The following COX20 variants were observed in gnomAD, a reference collection of about 807,000 sequenced individuals.
COX20 encodes the protein cytochrome c oxidase assembly protein COX20, mitochondrial.
Under a neutral mutation model 14.3 loss-of-function variants are expected in COX20, and 14 were observed. The observed-to-expected ratio is 0.98, with a 90% confidence interval of 0.65 to 1.53. The LOEUF (loss-of-function observed/expected upper bound fraction) is 1.53, where lower values mean the gene tolerates loss of function less well. Ranked by LOEUF, COX20 falls within the 40% of genes most tolerant of loss-of-function variation. The probability of loss-of-function intolerance (pLI) is 0.00; values close to 1 mark genes in which losing one functional copy is unlikely to be tolerated. For synonymous variants in COX20, 56 were observed against 51.7 expected, an observed-to-expected ratio of 1.08 and a Z score of -0.36; for missense variants, 149 against 142.1, an observed-to-expected ratio of 1.05 and a Z score of -0.25.
At chr1:244,841,576 A>C (rs1457217926) in intron 1 of COX20, 1 of 166,028 alleles carries the variant, frequency 6.0e-6, no homozygotes, top group East Asian at 1.7e-4. Flanking sequence ...TATTGGAGTT[A>C]CTGAAGCAAG....
chr1:244,842,826 T>G (rs976924054), intron 3 of COX20: 2 of 388,896 alleles, frequency 5.1e-6, no homozygotes, highest in African/African-American at 2.1e-5. Flanking sequence ...CAAATTGTTA[T>G]GTAGACATCC....
chr1:244,836,523 A>T (rs1283894907), intron 1 of COX20: 1 of 1,549,818 alleles, frequency 6.5e-7, no homozygotes, highest in African/African-American at 1.4e-5. Flanking sequence ...ATTGGAAGGT[A>T]ATAAATGATC....
Position 244,843,880 on chromosome 1 carries a change from C to T in COX20, c.*704C>T, listed in dbSNP as rs1244703020. On this transcript the variant is annotated 3_prime_UTR_variant, in exon 4 of 4. Transcript: ENST00000411948. ...CCATTTGAAAGTCAATCAGCTGCTC[C>T]CATTAAAATATTATTTAAAATACAA... The T allele has an allele frequency of 6.6e-6, 1 of 152,126 alleles. No individual in the cohort carries two copies. The highest frequency in any genetic ancestry group is 2.4e-5 in the African/African-American group (1 of 41,422). The allele number at this position is 152,126 out of a possible 1,614,324, so 9.4% of individuals were successfully genotyped here.
At chr1:244,837,689 C>G (rs1455591534) in intron 1 of COX20, among the ~76,000 whole-genome samples, 1 of 152,194 alleles carries the variant, frequency 6.6e-6, no homozygotes, top group African/African-American at 2.4e-5. Context: ...CTTTAAGGAG[C>G]TGACATTCTA....
intron 3 of COX20, 114 bp downstream of exon 3, chr1:244,842,372 G>A (rs2102975841): frequency 1.3e-6 from 1 of 755,706 alleles, no homozygotes; most frequent in East Asian, 2.5e-5. Flanking sequence ...CCTCAATGAA[G>A]AATCTTGATT....
Position 244,835,675 on chromosome 1 carries a change from C to G in COX20, c.-40C>G, listed in dbSNP as rs1301527933. On this transcript the variant is annotated 5_prime_UTR_variant, in exon 1 of 4. Coordinates refer to ENST00000411948, the MANE Select transcript of COX20 (RefSeq NM_198076.6). ...CCAGCCGGGCTTCTGCTTCCGCGAC[C>G]CCGGCGGTGCAGGGCGGGTGGAGTC... 2.4e-6 allele frequency: 3 copies of G among 1,236,780 alleles called. No individual in the cohort carries two copies. Among genetic ancestry groups the G allele is most frequent in the Non-Finnish European group, 3.0e-6 (3 of 989,460 alleles). The allele number at this position is 1,236,780 out of a possible 1,614,324, so 76.6% of individuals were successfully genotyped here.
rs1680320428 is a variant in COX20, at chr1:244,843,961, T to C, written c.*785T>C. The C allele has an allele frequency of 6.6e-6, 1 of 152,366 alleles. No individual in the cohort carries two copies. Among genetic ancestry groups the C allele is most frequent in the East Asian group, 1.9e-4 (1 of 5,194 alleles). 9.4% of individuals were successfully genotyped at this position (152,366 alleles called of 1,614,324 possible). On this transcript the variant is annotated 3_prime_UTR_variant, in exon 4 of 4. Transcript: ENST00000411948. ...TTTATTCTCCGGGAGAAATTATCCC[T>C]TTCTAGGAAAATGAAGTTATTTCTG...
rs562420427 is a variant in COX20 at position 244,835,737 on chromosome 1, G to A, written c.23G>A (p.Gly8Asp). Residue 8 changes from glycine to aspartate, a missense_variant, in exon 1 of 4, where the codon GGT becomes GAT. Coordinates refer to ENST00000411948, the MANE Select transcript of COX20 (RefSeq NM_198076.6). MAAPPEP[G>D]EPEERKSLKL... ...CTCATGGCCGCCCCGCCGGAGCCCG[G>A]TGAGCCCGAGGAGAGGAAGGTAACC... The A allele has an allele frequency of 1.6e-6, 2 of 1,275,106 alleles. No individual in the cohort carries two copies. The highest frequency in any genetic ancestry group is 6.2e-5 in the East Asian group (2 of 32,092). 79.0% of individuals were successfully genotyped at this position (1,275,106 alleles called of 1,614,324 possible). A position where few individuals can be genotyped will look rare whatever the true frequency, so the allele number is the denominator to read the frequency against.
intron 1 of COX20, chr1:244,841,522 G>A (rs1680199865): frequency 6.2e-6 from 1 of 162,052 alleles, no homozygotes; most frequent in Non-Finnish European, 1.4e-5. Flanking sequence ...CACTACATAA[G>A]CAAACATGAC....
At chr1:244,838,070 C>T (rs2102970504) in intron 1 of COX20, among the ~76,000 whole-genome samples, 1 of 152,240 alleles carries the variant, frequency 6.6e-6, no homozygotes, top group South Asian at 2.1e-4. Flanking sequence ...ATTTGGGATG[C>T]TCAACCTGTA....
intron 1 of COX20, among the ~76,000 whole-genome samples, chr1:244,836,068 A>AT (rs776729619): frequency 2.6e-5 from 4 of 152,298 alleles, no homozygotes; most frequent in Non-Finnish European, 2.9e-5. Context: ...CTGCACTGTA[A>AT]TTTGTTAGTA....
intron 1 of COX20, chr1:244,841,723 G>T: frequency 2.1e-6 from 1 of 476,870 alleles, no homozygotes; most frequent in South Asian, 3.2e-5. Flanking sequence ...TACTGCTTAA[G>T]GGTTTTCCGG....
chr1:244,835,810 T>G (rs1359545320), intron 1 of COX20, 54 bp downstream of exon 1: 1 of 1,210,616 alleles, frequency 8.3e-7, no homozygotes, highest in Non-Finnish European at 1.0e-6. Context: ...GGTAAGGACG[T>G]TCTCCGCGGA....
At chr1:244,836,442 T>G (rs1558174819) in intron 1 of COX20, 2 of 1,535,132 alleles carry the variant, frequency 1.3e-6, no homozygotes, top group African/African-American at 2.7e-5. Flanking sequence ...AGGGCTCCTG[T>G]GTTTCACCAA....
chr1:244,841,300 T>C (rs1680189381), intron 1 of COX20: 1 of 152,216 alleles, frequency 6.6e-6, no homozygotes, highest in South Asian at 2.1e-4. Flanking sequence ...ATCCCCGCGT[T>C]TTTCACCACA....
At position 244,843,704 on chromosome 1, in the gene COX20, G is replaced by C. The variant is rs910769775; in HGVS notation, c.*528G>C. On this transcript the variant is annotated 3_prime_UTR_variant, in exon 4 of 4. Transcript: ENST00000411948. The stretch of plus-strand genomic sequence containing the variant: ...ATGCGAGTCATCTTCCAAAAGAGTT[G>C]TTTTTAACTGCCCTAAACATTTTTG... The C allele has an allele frequency of 6.6e-6, 1 of 152,174 alleles. No homozygotes were observed. The highest frequency in any genetic ancestry group is 2.1e-4 in the South Asian group (1 of 4,830). 9.4% of individuals were successfully genotyped at this position (152,174 alleles called of 1,614,324 possible). A position where few individuals can be genotyped will look rare whatever the true frequency, so the allele number is the denominator to read the frequency against.
In COX20 at chr1:244,843,308, ATG is replaced by A; in HGVS notation, c.*133_*134del. The A allele has an allele frequency of 9.1e-7, 1 of 1,100,180 alleles. No individual in the cohort carries two copies. The highest frequency in any genetic ancestry group is 1.3e-6 in the Non-Finnish European group (1 of 772,350). 68.2% of individuals were successfully genotyped at this position (1,100,180 alleles called of 1,614,324 possible). On this transcript the variant is annotated 3_prime_UTR_variant, in exon 4 of 4. Transcript: ENST00000411948. ...CATTTTTTTCCCACACTTGTGTGGAATGAAAACTTGCCAGTTTATTCTGGCCC... is the reference window on the plus strand; with the variant it reads ...CATTTTTTTCCCACACTTGTGTGGAAAAAACTTGCCAGTTTATTCTGGCCC...
chr1:244,841,490 T>C (rs1680198839), intron 1 of COX20: 2 of 156,908 alleles, frequency 1.3e-5, no homozygotes, highest in African/African-American at 4.8e-5. Flanking sequence ...TGAAAGGTAA[T>C]TACTAGGGGA....
At chr1:244,845,060 A>T (rs1349849458), downstream of COX20, 1 of 166,022 alleles carries the variant, frequency 6.0e-6, no homozygotes, top group African/African-American at 2.4e-5. Context: ...AAATGTAATT[A>T]TTATACTGTG....
Sources: allele counts gnomAD v4.1 joint callset (sites outside exome capture counted in the v4.1 genomes callset), GRCh38; gene constraint gnomAD v4.1.1; transcripts MANE v1.5; gene names NCBI Gene and HGNC (gene_info 2026-07-23, HGNC 2026-07-21).